Variants in CBLB observed in about 807,000 individuals in gnomAD.
CBLB encodes E3 ubiquitin-protein ligase CBL-B.
A neutral mutation model predicts 104.9 loss-of-function variants in CBLB; 31 were observed. The ratio of observed to expected loss-of-function variants is 0.30; its 90% CI spans 0.22 to 0.40. The LOEUF is 0.40. CBLB is among the 10% of genes least tolerant of loss of function. The pLI is 1.00. For synonymous variants in CBLB, 440 were observed against 422.6 expected, an observed-to-expected ratio of 1.04 and a Z score of -0.51; for missense variants, 1,062 against 1,214.6, an observed-to-expected ratio of 0.87 and a Z score of 1.87.
intron 3 of CBLB, among the ~76,000 whole-genome samples, chr3:105,814,774 A>AAC (rs1296015651): frequency 7.2e-5 from 11 of 152,252 alleles, no homozygotes; most frequent in African/African-American, 2.6e-4. Context: ...AATTTTCATA[A>AAC]ACACACCTCT....
rs1458601151 is a variant in CBLB, at chr3:105,720,042, T to C, written c.1407+5A>G. 6.2e-7 allele frequency: 1 copy of C among 1,608,370 alleles called. No homozygotes were observed. The highest frequency in any genetic ancestry group is 1.3e-5 in the African/African-American group (1 of 74,886). On this transcript the variant is annotated splice_donor_5th_base_variant and intron_variant, in intron 10 of 18. Transcript: ENST00000394030. Reference sequence around the variant, plus strand: ...CCTTAACTAAACCCATGTTTCTAGTTTTACCTTTCGGACGTTTGCCAACCG... The same window carrying C: ...CCTTAACTAAACCCATGTTTCTAGTCTTACCTTTCGGACGTTTGCCAACCG...
At chr3:105,867,056 C>A (rs978597322) in intron 2 of CBLB, among the ~76,000 whole-genome samples, 1 of 152,176 alleles carries the variant, frequency 6.6e-6, no homozygotes, top group Non-Finnish European at 1.5e-5. Context: ...AAATAACCTG[C>A]TGGTACTCTT....
intron 3 of CBLB, among the ~76,000 whole-genome samples, chr3:105,825,491 A>G (rs2086448900): frequency 6.6e-6 from 1 of 152,224 alleles, no homozygotes; most frequent in African/African-American, 2.4e-5. Context: ...TCTCTAATCC[A>G]TATAGGAGAG....
At chr3:105,731,736 T>G (rs1198952421) in intron 9 of CBLB, among the ~76,000 whole-genome samples, 1 of 152,164 alleles carries the variant, frequency 6.6e-6, no homozygotes, top group African/African-American at 2.4e-5. Context: ...TTAAGAGGTG[T>G]GAGCCGCCAT....
At chr3:105,854,050 A>C (rs1243950744) in intron 2 of CBLB, among the ~76,000 whole-genome samples, 6 of 152,144 alleles carry the variant, frequency 3.9e-5, no homozygotes, top group Non-Finnish European at 7.4e-5. Context: ...ATGTTATTTT[A>C]CTACACTGAA....
At chr3:105,743,590 G>A (rs1487527079) in intron 6 of CBLB, among the ~76,000 whole-genome samples, 1 of 151,584 alleles carries the variant, frequency 6.6e-6, no homozygotes, top group African/African-American at 2.4e-5. Context: ...ATTTCCAAAT[G>A]TTACTACCTT....
chr3:105,796,342 GA>G (rs1311702803), intron 3 of CBLB, among the ~76,000 whole-genome samples: 1 of 152,138 alleles, frequency 6.6e-6, no homozygotes, highest in African/African-American at 2.4e-5. Flanking sequence ...AAGCAATGGA[GA>G]AAGAACTTCC....
At chr3:105,717,710 A>C (rs1004386235) in intron 10 of CBLB, among the ~76,000 whole-genome samples, 6 of 152,160 alleles carry the variant, frequency 3.9e-5, no homozygotes, top group African/African-American at 1.2e-4. Flanking sequence ...ATTCAAACTT[A>C]TGTCTTCTGG....
chr3:105,779,782 AC>A (rs2079942941), intron 3 of CBLB, among the ~76,000 whole-genome samples: 1 of 151,912 alleles, frequency 6.6e-6, no homozygotes, highest in African/African-American at 2.4e-5. Context: ...TGACGCTGTG[AC>A]TTTTTTGTTT....
intron 4 of CBLB, among the ~76,000 whole-genome samples, chr3:105,761,756 A>G (rs1254774757): frequency 1.3e-5 from 2 of 152,192 alleles, no homozygotes; most frequent in Non-Finnish European, 2.9e-5. Flanking sequence ...CTGTAAAGAT[A>G]CCCAAAAACT....
At chr3:105,696,173 C>T (rs904025361) in intron 12 of CBLB, among the ~76,000 whole-genome samples, 5 of 151,474 alleles carry the variant, frequency 3.3e-5, no homozygotes, top group African/African-American at 4.8e-5. Flanking sequence ...GTTGACAATA[C>T]GCCTAATACA....
At chr3:105,823,071 CTTGAAT>C (rs201808964) in intron 3 of CBLB, among the ~76,000 whole-genome samples, 1,548 of 152,260 alleles carry the variant, frequency 0.01, 7 homozygotes, top group Non-Finnish European at 0.015. Flanking sequence ...AAAGGCTCTG[CTTGAAT>C]TTGATAAGTT....
intron 18 of CBLB, 80 bp from the exon 19 acceptor site, chr3:105,659,309 A>C: frequency 5.6e-5 from 74 of 1,315,366 alleles, no homozygotes; most frequent in Non-Finnish European, 7.4e-5. Flanking sequence ...GCATTATCTC[A>C]TTTCCTATGG....
intron 2 of CBLB, among the ~76,000 whole-genome samples, chr3:105,862,363 G>C (rs1199447498): frequency 1.3e-5 from 2 of 152,102 alleles, no homozygotes; most frequent in East Asian, 1.9e-4. Context: ...ACCTCATTAA[G>C]TGCATCACTG....
rs2066310333 is a variant in CBLB, at chr3:105,681,498, A to T, written c.2409T>A (p.Asp803Glu). The T allele has an allele frequency of 6.2e-7, 1 of 1,614,032 alleles. No individual in the cohort carries two copies. The highest frequency in any genetic ancestry group is 8.5e-7 in the Non-Finnish European group (1 of 1,180,010). The change falls in exon 16 of 19, where the codon GAT becomes GAA. Residue 803 changes from aspartate (D) to glutamate (E), a missense_variant. By Grantham distance (45) the Asp-to-Glu change is conservative. Around this residue, in one of 2 missense-constraint regions of CBLB, gnomAD observed 605 missense variants for 582.6 expected, o/e 1.04. Transcript: ENST00000394030. The stretch of plus-strand genomic sequence containing the variant: ...TTCAACCTAATGGAGGGATGAGAAG[A>T]TCATAATCAGAGGGCGTCCTGTTGA... ...SSLNRTPSDYDLLIPPLGEDA... is the reference protein window; with the variant it reads ...SSLNRTPSDYELLIPPLGEDA...
intron 9 of CBLB, among the ~76,000 whole-genome samples, chr3:105,727,756 C>T (rs1475223707): frequency 4.6e-5 from 7 of 152,130 alleles, no homozygotes; most frequent in African/African-American, 9.7e-5. Context: ...CAGTTTTCTG[C>T]GTATGGCTAG....
chr3:105,668,321 T>C (rs1238402277), intron 18 of CBLB, among the ~76,000 whole-genome samples: 1 of 152,158 alleles, frequency 6.6e-6, no homozygotes. Context: ...TATATGTGAA[T>C]GATGTTCCTC....
At chr3:105,660,850 G>A (rs984897759) in intron 18 of CBLB, among the ~76,000 whole-genome samples, 11 of 140,490 alleles carry the variant, frequency 7.8e-5, no homozygotes, top group Non-Finnish European at 1.4e-4. Flanking sequence ...TCCAGGAGAA[G>A]GTAACTTGTA....
At chr3:105,821,228 C>G (rs987386813) in intron 3 of CBLB, among the ~76,000 whole-genome samples, 1 of 151,546 alleles carries the variant, frequency 6.6e-6, no homozygotes, top group Admixed American at 6.6e-5. Flanking sequence ...ATTCTACAAT[C>G]CTGGTCCTTT....
Sources: allele counts gnomAD v4.1 joint callset (sites outside exome capture counted in the v4.1 genomes callset), GRCh38; gene constraint gnomAD v4.1.1; regional missense constraint gnomAD v4.1.1; transcripts MANE v1.5; gene names NCBI Gene and HGNC (gene_info 2026-07-23, HGNC 2026-07-21).